HP1BP3: variants seen among roughly 807,000 people sequenced by gnomAD.
HP1BP3 encodes the protein heterochromatin protein 1-binding protein 3.
HP1BP3 carries 12 observed loss-of-function variants against 62.5 expected under a neutral mutation model. That is an observed-to-expected ratio of 0.19 (90% confidence interval 0.12 to 0.31). HP1BP3 has a LOEUF of 0.31. Ranked by LOEUF, HP1BP3 falls within the 10% of genes least tolerant of loss-of-function variation. The pLI is 1.00. For missense variants in HP1BP3, 502 were observed against 651.8 expected (o/e 0.77, Z 2.50); for synonymous variants, 260 against 237.8 (o/e 1.09, Z -0.86).
chr1:20,784,628 C>T (rs2057734291), intron 1 of HP1BP3, among the ~76,000 whole-genome samples: 1 of 152,066 alleles, frequency 6.6e-6, no homozygotes, highest in African/African-American at 2.4e-5. Flanking sequence ...AGGCGTCCGC[C>T]ACGACACCCA....
chr1:20,754,085 A>G (rs1333922779), intron 9 of HP1BP3, among the ~76,000 whole-genome samples: 2 of 152,240 alleles, frequency 1.3e-5, no homozygotes, highest in African/African-American at 2.4e-5. Flanking sequence ...TTATTTGCAG[A>G]TAACAGATCC....
Position 20,744,890 on chromosome 1 carries a change from G to A in HP1BP3, c.1569C>T (p.Ser523=). ...TTGCACTGGTTGCAGGCTTCTTTGAGGAGCCACCACTAGGTTTCTTGATGA... is the reference window on the plus strand; with the variant it reads ...TTGCACTGGTTGCAGGCTTCTTTGAAGAGCCACCACTAGGTTTCTTGATGA... ...STVIKKPSGG[S]SKKPATSARK... The change falls in exon 13 of 13, where the codon TCC becomes TCT. Residue 523 remains serine (S), a synonymous_variant. Coordinates refer to ENST00000438032, the MANE Select transcript of HP1BP3 (RefSeq NM_001372052.1). The A allele has an allele frequency of 6.2e-7, 1 of 1,614,154 alleles. No individual in the cohort carries two copies. The highest frequency in any genetic ancestry group is 8.5e-7 in the Non-Finnish European group (1 of 1,180,034).
rs566682201 is a variant in HP1BP3, at chr1:20,761,156, T to C, written c.891-3900A>G. ...GCCTCCCAGGTTTAAGTGATTCTCT[T>C]GCCTTGGCCTCTTGAGTAGCTGGAA... On this transcript the variant is annotated intron_variant, in intron 8 of 12. Coordinates refer to ENST00000438032, the MANE Select transcript of HP1BP3 (RefSeq NM_001372052.1). 9.4e-4 allele frequency among the ~76,000 whole-genome samples: 143 copies of C among 152,274 alleles called. 1 individual carries two copies. Among genetic ancestry groups the C allele is most frequent in the African/African-American group, 3.2e-3 (134 of 41,562 alleles).
intron 2 of HP1BP3, 122 bp from the exon 3 acceptor site, chr1:20,780,033 G>T: frequency 1.4e-6 from 1 of 694,048 alleles, no homozygotes; most frequent in Non-Finnish European, 2.4e-6. Context: ...AGGATCTGAT[G>T]CAAATTACTT....
At position 20,741,700 on chromosome 1, in the gene HP1BP3, C is replaced by T. The variant is rs1220967527; in HGVS notation, c.*3097G>A. On this transcript the variant is annotated 3_prime_UTR_variant, in exon 13 of 13. Transcript: ENST00000438032. Reference sequence around the variant, plus strand: ...GAAGCCAACAATCTCTCTCCCAGCACTTTCTGAGACTCATTTATCAAAGGT... The same window carrying T: ...GAAGCCAACAATCTCTCTCCCAGCATTTTCTGAGACTCATTTATCAAAGGT... 6.6e-6 allele frequency among the ~76,000 whole-genome samples: 1 copy of T among 152,198 alleles called. No individual in the cohort carries two copies. The highest frequency in any genetic ancestry group is 6.5e-5 in the Admixed American group (1 of 15,276).
intron 11 of HP1BP3, 123 bp from the exon 12 acceptor site, chr1:20,745,779 T>C (rs946481491): frequency 1.1e-6 from 1 of 931,592 alleles, no homozygotes; most frequent in Non-Finnish European, 1.6e-6. Flanking sequence ...AATGTCAAGC[T>C]AGGTTACACG....
At chr1:20,763,749 G>GTT in intron 8 of HP1BP3, among the ~76,000 whole-genome samples, 1 of 152,200 alleles carries the variant, frequency 6.6e-6, no homozygotes, top group East Asian at 1.9e-4. Flanking sequence ...CAAATTTTAC[G>GTT]TATCAATTAC....
At chr1:20,766,527 G>C (rs1395856255) in intron 7 of HP1BP3, among the ~76,000 whole-genome samples, 1 of 152,056 alleles carries the variant, frequency 6.6e-6, no homozygotes, top group Non-Finnish European at 1.5e-5. Context: ...CTTTATTATT[G>C]TAGAAATACT....
At chr1:20,756,489 G>A (rs2056116260) in intron 9 of HP1BP3, among the ~76,000 whole-genome samples, 1 of 151,982 alleles carries the variant, frequency 6.6e-6, no homozygotes, top group African/African-American at 2.4e-5. Flanking sequence ...AGGACCCCTT[G>A]AACCTGGGAG....
rs775855674 is a variant in HP1BP3, at chr1:20,770,984, A to G, written c.600T>C (p.Gly200=). 2 of 1,611,200 alleles carry G rather than the reference A, an allele frequency of 1.2e-6. No homozygotes were observed. Among genetic ancestry groups the G allele is most frequent in the Admixed American group, 3.4e-5 (2 of 59,524 alleles). Residue 200 remains glycine (G), a synonymous_variant, in exon 6 of 13, where the codon GGT becomes GGC. Transcript: ENST00000438032. ...TTTTCAGTGCTTGTTTAAGGAGATAACCCCTTCTCTCCAGCTCCAGAGAAG... is the reference window on the plus strand; with the variant it reads ...TTTTCAGTGCTTGTTTAAGGAGATAGCCCCTTCTCTCCAGCTCCAGAGAAG... ...KYPSLELERR[G]YLLKQALKRE...
intron 10 of HP1BP3, among the ~76,000 whole-genome samples, chr1:20,749,025 A>G: frequency 6.6e-6 from 1 of 152,216 alleles, no homozygotes; most frequent in East Asian, 1.9e-4. Flanking sequence ...TTAATAAGAA[A>G]TAATATAAGT....
At chr1:20,777,353 CA>C (rs1184439412) in intron 3 of HP1BP3, among the ~76,000 whole-genome samples, 2 of 151,740 alleles carry the variant, frequency 1.3e-5, no homozygotes, top group African/African-American at 2.4e-5. Context: ...TACTTCAAGC[CA>C]AAGTATATGC....
intron 9 of HP1BP3, among the ~76,000 whole-genome samples, chr1:20,752,532 C>T (rs1349492805): frequency 6.6e-6 from 1 of 151,940 alleles, no homozygotes; most frequent in Non-Finnish European, 1.5e-5. Context: ...CCAGGTAAAC[C>T]ACCCGCCTCA....
At chr1:20,763,595 G>A (rs2056606105) in intron 8 of HP1BP3, among the ~76,000 whole-genome samples, 1 of 152,090 alleles carries the variant, frequency 6.6e-6, no homozygotes, top group Admixed American at 6.5e-5. Context: ...CAGAAATCTG[G>A]ATTAAACATA....
Position 20,744,804 on chromosome 1 carries a change from T to C in HP1BP3, c.1655A>G (p.Lys552Arg). The change falls in exon 13 of 13, where the codon AAA (lysine) becomes AGA (arginine). Residue 552 changes from lysine to arginine, a missense_variant. Transcript: ENST00000438032. ...KSTMKKSFRV[K>R]K ...CCTTTTTTCCTATAAAATTTACTTT[T>C]TCACTCTGAAAGACTTCTTCATGGT... The C allele has an allele frequency of 1.3e-6, 2 of 1,594,918 alleles. No homozygotes were observed. Among genetic ancestry groups the C allele is most frequent in the East Asian group, 2.2e-5 (1 of 44,766 alleles).
Position 20,776,715 on chromosome 1 carries a change from C to T in HP1BP3, c.232G>A (p.Val78Ile). The T allele has an allele frequency of 6.2e-6, 10 of 1,613,590 alleles. No individual in the cohort carries two copies. Among genetic ancestry groups the T allele is most frequent in the Non-Finnish European group, 8.5e-6 (10 of 1,179,786 alleles). ...GGAGTTTCATTCTCTTGTTCTTCTA[C>T]AGTGGAGACAGATTCCTCTGAACTT... is the stretch of plus-strand genomic sequence containing the variant. ...DISSEESVST[V>I]EEQENETPPA... The change falls in exon 4 of 13, where the codon GTA (valine) becomes ATA (isoleucine). Residue 78 changes from valine to isoleucine, a missense_variant. Coordinates refer to ENST00000438032, the MANE Select transcript of HP1BP3 (RefSeq NM_001372052.1).
At chr1:20,781,183 C>A (rs938069501) in intron 1 of HP1BP3, among the ~76,000 whole-genome samples, 1 of 151,994 alleles carries the variant, frequency 6.6e-6, no homozygotes, top group African/African-American at 2.4e-5. Context: ...CATGCAGTCA[C>A]CCAAGTTTAC....
chr1:20,782,804 G>A (rs2154541638), intron 1 of HP1BP3, among the ~76,000 whole-genome samples: 1 of 151,118 alleles, frequency 6.6e-6, no homozygotes, highest in South Asian at 2.1e-4. Flanking sequence ...GGAGGCTGAG[G>A]CAGAAGAATC....
In HP1BP3 at chr1:20,745,739, C is replaced by T. The variant is rs1171977903; in HGVS notation, c.1254-83G>A. The T allele has an allele frequency of 3.5e-6, 5 of 1,409,866 alleles. No homozygotes were observed. The African/African-American group carries it at 5.7e-5, about 16-fold the overall frequency. The allele number at this position is 1,409,866 out of a possible 1,614,324, so 87.3% of individuals were successfully genotyped here. On this transcript the variant is annotated intron_variant, in intron 11 of 12. Coordinates refer to ENST00000438032, the MANE Select transcript of HP1BP3 (RefSeq NM_001372052.1). ...GTGAACCTAGATGCTCTTACCTGGA[C>T]ATATCCCACTTCTTCCCACCCTTCC...
Sources: gnomAD v4.1 joint callset for allele counts (sites outside exome capture counted in the v4.1 genomes callset) on GRCh38, gnomAD v4.1.1 for gene constraint, MANE v1.5 for transcripts, NCBI Gene and HGNC (gene_info 2026-07-23, HGNC 2026-07-21) for gene names.